The following WWOX variants were observed in gnomAD, a reference collection of about 807,000 sequenced individuals.
The protein encoded by WWOX is WW domain containing oxidoreductase, also known as WW domain-containing oxidoreductase.
In WWOX, 69 loss-of-function variants were observed where a neutral mutation model predicts 46.2. That is an observed-to-expected ratio of 1.49 (90% CI 1.23 to 1.82). WWOX has a LOEUF of 1.82. WWOX is among the 40% of genes most tolerant of loss of function. WWOX has a pLI of 0.00. For synonymous variants in WWOX, 359 were observed against 202.6 expected (o/e 1.77, Z -6.56); for missense variants, 919 against 542.6 (o/e 1.69, Z -6.89).
intron 5 of WWOX, among the ~76,000 whole-genome samples, chr16:78,327,288 C>T (rs1281123888): frequency 6.6e-6 from 1 of 152,172 alleles, no homozygotes. Flanking sequence ...GGCTTGATTT[C>T]TTTGCACCAG....
intron 8 of WWOX, among the ~76,000 whole-genome samples, chr16:79,188,655 C>G (rs1309481497): frequency 6.6e-6 from 1 of 152,240 alleles, no homozygotes; most frequent in African/African-American, 2.4e-5. Context: ...ATCTGCAGAC[C>G]TCTTGGTTGC....
At chr16:78,662,204 A>C (rs1213802651) in intron 8 of WWOX, among the ~76,000 whole-genome samples, 2 of 152,136 alleles carry the variant, frequency 1.3e-5, no homozygotes, top group African/African-American at 2.4e-5. Context: ...CTAGTAAATA[A>C]GTGAGGTTTG....
At chr16:78,982,053 G>A (rs905355473) in intron 8 of WWOX, among the ~76,000 whole-genome samples, 1 of 152,082 alleles carries the variant, frequency 6.6e-6, no homozygotes, top group African/African-American at 2.4e-5. Context: ...TGGGTGAAAC[G>A]TGTTGTCTGT....
intron 8 of WWOX, among the ~76,000 whole-genome samples, chr16:78,527,333 G>A (rs1021931263): frequency 2.3e-5 from 3 of 129,202 alleles, no homozygotes; most frequent in African/African-American, 8.6e-5. Context: ...TCACTCTGTT[G>A]CCTAGACTAG....
At chr16:78,682,792 C>A (rs12149559) in intron 8 of WWOX, among the ~76,000 whole-genome samples, 2,040 of 152,288 alleles carry the variant, frequency 0.013, 21 homozygotes, top group South Asian at 0.039. Flanking sequence ...ACTTCTTGCA[C>A]CATTCATTTG....
chr16:79,048,553 A>T (rs1173757881), intron 8 of WWOX, among the ~76,000 whole-genome samples: 1 of 152,124 alleles, frequency 6.6e-6, no homozygotes, highest in Non-Finnish European at 1.5e-5. Flanking sequence ...TTGTTTGGCT[A>T]AATTATGCAC....
At chr16:78,227,856 A>G (rs1431880928) in intron 5 of WWOX, among the ~76,000 whole-genome samples, 2 of 152,154 alleles carry the variant, frequency 1.3e-5, no homozygotes, top group Non-Finnish European at 2.9e-5. Context: ...AGCCTGGGTG[A>G]CAGAGCGAAA....
intron 8 of WWOX, among the ~76,000 whole-genome samples, chr16:78,761,659 G>C (rs563353285): frequency 6.6e-6 from 1 of 152,082 alleles, no homozygotes; most frequent in Admixed American, 6.6e-5. Flanking sequence ...GGGCCACCCG[G>C]TTGAGTCTGA....
chr16:79,133,338 T>A (rs979142088), intron 8 of WWOX, among the ~76,000 whole-genome samples: 1 of 152,218 alleles, frequency 6.6e-6, no homozygotes, highest in Non-Finnish European at 1.5e-5. Context: ...AAATTTGAGG[T>A]CCCCCTCAAC....
intron 8 of WWOX, among the ~76,000 whole-genome samples, chr16:79,060,432 G>C (rs1426169741): frequency 6.6e-6 from 1 of 152,246 alleles, no homozygotes; most frequent in Non-Finnish European, 1.5e-5. Flanking sequence ...CGTGCTTTCT[G>C]ATGCCACTGA....
chr16:78,617,394 C>T (rs1305859231), intron 8 of WWOX, among the ~76,000 whole-genome samples: 2 of 116,186 alleles, frequency 1.7e-5, no homozygotes, highest in Admixed American at 2.0e-4. Context: ...ACAGAGAAAC[C>T]TTGTATCCAA....
intron 5 of WWOX, among the ~76,000 whole-genome samples, chr16:78,202,447 A>G (rs1225146947): frequency 6.6e-6 from 1 of 152,212 alleles, no homozygotes; most frequent in Non-Finnish European, 1.5e-5. Flanking sequence ...GTTGGAACAT[A>G]GCTAAGTTGG....
intron 5 of WWOX, among the ~76,000 whole-genome samples, chr16:78,176,887 G>A (rs968901161): frequency 2.6e-5 from 4 of 152,198 alleles, no homozygotes; most frequent in Non-Finnish European, 4.4e-5. Context: ...GGTCTCCGTG[G>A]TGTTTCATTG....
intron 8 of WWOX, among the ~76,000 whole-genome samples, chr16:78,717,768 A>T (rs1236521418): frequency 6.6e-6 from 1 of 152,044 alleles, no homozygotes; most frequent in African/African-American, 2.4e-5. Context: ...GAGGATTAGG[A>T]TGGAGGTAGG....
chr16:78,424,834 T>C (rs2083037479), intron 6 of WWOX, 36 bp from the exon 7 acceptor site: 1 of 1,612,752 alleles, frequency 6.2e-7, no homozygotes, highest in Admixed American at 1.7e-5. Flanking sequence ...GTTGTAGTGT[T>C]TATGTCCACA....
chr16:78,174,959 A>G (rs1230165606), intron 5 of WWOX, among the ~76,000 whole-genome samples: 2 of 151,420 alleles, frequency 1.3e-5, no homozygotes, highest in East Asian at 1.9e-4. Context: ...CTGCACTCCA[A>G]TCTGGGTGAC....
At chr16:78,102,888 G>A (rs867561768) in intron 1 of WWOX, among the ~76,000 whole-genome samples, 42 of 152,142 alleles carry the variant, frequency 2.8e-4, no homozygotes, top group Admixed American at 1.7e-3. Context: ...CTGTGGGTGG[G>A]TGGGTGGTGC....
At chr16:79,028,397 C>T (rs547420525) in intron 8 of WWOX, among the ~76,000 whole-genome samples, 2 of 151,908 alleles carry the variant, frequency 1.3e-5, no homozygotes, top group South Asian at 4.1e-4. Flanking sequence ...CCTATGTTTT[C>T]ACAGAAACAT....
intron 6 of WWOX, among the ~76,000 whole-genome samples, chr16:78,389,694 T>C (rs986642834): frequency 8.5e-5 from 13 of 152,272 alleles, no homozygotes; most frequent in African/African-American, 3.1e-4. Context: ...GGGGCCGATT[T>C]AGCCTCTTCA....
Sources: gnomAD v4.1 joint callset for allele counts (sites outside exome capture counted in the v4.1 genomes callset) on GRCh38, gnomAD v4.1.1 for gene constraint, MANE v1.5 for transcripts, NCBI Gene and HGNC (gene_info 2026-07-23, HGNC 2026-07-21) for gene names.